The following ITGA8 variants were observed in gnomAD, a reference collection of about 807,000 sequenced individuals.
The protein encoded by ITGA8 is integrin subunit alpha 8, also known as integrin alpha-8.
In ITGA8, 91 loss-of-function variants were observed where a neutral mutation model predicts 142.3. The observed-to-expected ratio is 0.64, with a 90% CI of 0.54 to 0.76. ITGA8 has a LOEUF of 0.76. Among genes scored for constraint, ITGA8 ranks in the 30% least tolerant of loss-of-function variants. The pLI is 0.00. For missense variants in ITGA8, 1,406 were observed against 1,327.7 expected (o/e 1.06, Z -0.92); for synonymous variants, 505 against 485.2 (o/e 1.04, Z -0.54).
At chr10:15,527,263 A>G (rs1486972618) in intron 28 of ITGA8, among the ~76,000 whole-genome samples, 1 of 152,198 alleles carries the variant, frequency 6.6e-6, no homozygotes, top group African/African-American at 2.4e-5. Flanking sequence ...TTCCATATTA[A>G]GGTATTAAGG....
intron 29 of ITGA8, among the ~76,000 whole-genome samples, chr10:15,517,628 A>G (rs1223120705): frequency 6.6e-6 from 1 of 152,172 alleles, no homozygotes; most frequent in Non-Finnish European, 1.5e-5. Context: ...CTGGCCCTTT[A>G]TGTATTTTCG....
At chr10:15,629,370 T>C (rs370961895) in intron 13 of ITGA8, among the ~76,000 whole-genome samples, 1 of 152,162 alleles carries the variant, frequency 6.6e-6, no homozygotes, top group African/African-American at 2.4e-5. Flanking sequence ...AGCATATCTT[T>C]ATAAGTGCAG....
chr10:15,639,954 T>C (rs1833840850), intron 13 of ITGA8, among the ~76,000 whole-genome samples: 1 of 18,638 alleles, frequency 5.4e-5, no homozygotes, highest in Admixed American at 8.5e-4. Context: ...CAGTAATCTG[T>C]GTTGTGCAAA....
In ITGA8 at chr10:15,644,433, AATATATAT is replaced by A. The variant is rs57868499; in HGVS notation, c.1208-220_1208-213del. On this transcript the variant is annotated intron_variant, in intron 12 of 29. Coordinates refer to ENST00000378076, the MANE Select transcript of ITGA8 (RefSeq NM_003638.3). ...CAGGTGCATACCACCATGTCAGGCT[AATATATAT>A]ATATATATATATATATATATATATA... 1.9e-3 allele frequency among the ~76,000 whole-genome samples: 80 copies of A among 42,438 alleles called. 1 individual carries two copies. The highest frequency in any genetic ancestry group is 2.9e-3 in the Non-Finnish European group (70 of 24,358). 27.8% of individuals were successfully genotyped at this position (42,438 alleles called of 152,430 possible). A position where few individuals can be genotyped will look rare whatever the true frequency, so the allele number is the denominator to read the frequency against.
At chr10:15,716,549 C>T (rs568816336) in intron 2 of ITGA8, among the ~76,000 whole-genome samples, 22 of 152,330 alleles carry the variant, frequency 1.4e-4, no homozygotes, top group South Asian at 4.1e-4. Flanking sequence ...GGGTTAAATG[C>T]ATTCCTGTGG....
rs1462757419 is a variant in ITGA8 at position 15,644,213 on chromosome 10, T to A, written c.1216A>T (p.Ile406Phe). 1 of 1,613,402 alleles carries A rather than the reference T, an allele frequency of 6.2e-7. No individual in the cohort carries two copies. Reference sequence around the variant, plus strand: ...TCCTTGCCTGCAAAAGGCACTCCGATGGCAATGTCTAAAAACAGACATAAA... The same window carrying A: ...TCCTTGCCTGCAAAAGGCACTCCGAAGGCAATGTCTAAAAACAGACATAAA... ...LNQDGYNDIA[I>F]GVPFAGKDQR... is the part of the protein sequence containing the mutation. The change falls in exon 13 of 30, where the codon ATC becomes TTC. Residue 406 changes from isoleucine (I) to phenylalanine (F), a missense_variant. Coordinates refer to ENST00000378076, the MANE Select transcript of ITGA8 (RefSeq NM_003638.3).
At chr10:15,554,718 C>CCTTTCTTTCTTTCTTT (rs140932453) in intron 26 of ITGA8, among the ~76,000 whole-genome samples, 4 of 148,946 alleles carry the variant, frequency 2.7e-5, no homozygotes, top group African/African-American at 7.5e-5. Context: ...CTTTGCAAAT[C>CCTTTCTTTCTTTCTTT]CTTTCTTTCT....
intron 13 of ITGA8, among the ~76,000 whole-genome samples, chr10:15,631,653 C>A (rs1040806272): frequency 6.6e-6 from 1 of 150,738 alleles, no homozygotes; most frequent in Non-Finnish European, 1.5e-5. Context: ...CACCATGGCA[C>A]GGGCATGCCT....
intron 4 of ITGA8, among the ~76,000 whole-genome samples, chr10:15,680,772 CA>C (rs1194331582): frequency 6.7e-6 from 1 of 149,972 alleles, no homozygotes; most frequent in Non-Finnish European, 1.5e-5. Flanking sequence ...AGAAAACATT[CA>C]TTTTTTTTTT....
chr10:15,705,502 G>A (rs1663088865), intron 2 of ITGA8, among the ~76,000 whole-genome samples: 1 of 152,122 alleles, frequency 6.6e-6, no homozygotes, highest in African/African-American at 2.4e-5. Flanking sequence ...GGAATCCCCT[G>A]CATTTCCCTC....
rs567428315 is a variant in ITGA8 at position 15,558,179 on chromosome 10, G to T, written c.2661C>A (p.Thr887=). The change falls in exon 26 of 30, where the codon ACC becomes ACA. Residue 887 remains threonine (T), a synonymous_variant. Coordinates refer to ENST00000378076, the MANE Select transcript of ITGA8 (RefSeq NM_003638.3). The stretch of plus-strand genomic sequence containing the variant: ...TTCGCAAAAAGGCGCTGAGCTCAGG[G>T]GTGTCCTCTGGGGAGGCAGCAGGCT... ...DIKPAASPED[T]PELSAFLRNS... 1.2e-6 allele frequency: 2 copies of T among 1,614,178 alleles called. No individual in the cohort carries two copies. The highest frequency in any genetic ancestry group is 1.7e-6 in the Non-Finnish European group (2 of 1,180,036).
intron 13 of ITGA8, among the ~76,000 whole-genome samples, chr10:15,636,891 T>C (rs1210963640): frequency 6.6e-6 from 1 of 152,236 alleles, no homozygotes; most frequent in Non-Finnish European, 1.5e-5. Context: ...ACACCTGTAA[T>C]ACCAGCACTT....
intron 8 of ITGA8, among the ~76,000 whole-genome samples, chr10:15,664,984 A>C (rs1271518871): frequency 6.6e-6 from 1 of 152,148 alleles, no homozygotes; most frequent in African/African-American, 2.4e-5. Context: ...ATAGGTGTGC[A>C]TGTGTCTTTA....
chr10:15,581,920 T>C (rs1834415858), intron 23 of ITGA8, among the ~76,000 whole-genome samples: 1 of 152,160 alleles, frequency 6.6e-6, no homozygotes, highest in African/African-American at 2.4e-5. Context: ...AAATGGTTTT[T>C]TCAACAAATG....
intron 20 of ITGA8, among the ~76,000 whole-genome samples, chr10:15,602,947 A>AT (rs1404957247): frequency 6.7e-6 from 1 of 150,106 alleles, no homozygotes; most frequent in Non-Finnish European, 1.5e-5. Context: ...ATTTAGGACT[A>AT]TTTTTTTAAA....
rs1320104235 is a variant in ITGA8, at chr10:15,682,619, C to T, written c.568+1385G>A. On this transcript the variant is annotated intron_variant, in intron 4 of 29. Coordinates refer to ENST00000378076, the MANE Select transcript of ITGA8 (RefSeq NM_003638.3). ...ACTGTAATCCCAGCACTTTGAAAGG[C>T]TGAGGCGGATGGATCGCATGAGCAC... is the stretch of plus-strand genomic sequence containing the variant. Among the ~76,000 whole-genome samples the T allele has an allele frequency of 5.3e-5, 8 of 152,148 alleles. No homozygotes were observed. The East Asian group carries it at 5.8e-4, about 11-fold the overall frequency.
rs576046565 is a variant in ITGA8 at position 15,718,315 on chromosome 10, G to A, written c.343+451C>T. Among the ~76,000 whole-genome samples the A allele has an allele frequency of 1.4e-4, 22 of 152,278 alleles. 1 individual carries two copies. The East Asian group carries it at 3.3e-3, about 23-fold the overall frequency. ...TCTGTAAAGAATTAAACAGCAACGC[G>A]GAGTGATGTCTGGGTCTGCAGCAGC... On this transcript the variant is annotated intron_variant, in intron 2 of 29. Transcript: ENST00000378076.
intron 23 of ITGA8, among the ~76,000 whole-genome samples, chr10:15,580,128 A>T (rs1037761053): frequency 3.0e-4 from 1 of 3,338 alleles, no homozygotes; most frequent in South Asian, 0.1. Context: ...AGAAAATGTA[A>T]AAAAAAAAAA....
chr10:15,566,868 T>C (rs149726951), intron 25 of ITGA8, among the ~76,000 whole-genome samples: 2,394 of 65,916 alleles, frequency 0.036, 67 homozygotes, highest in African/African-American at 0.12. Context: ...ATCCCAGCAC[T>C]CTGGGAGGCT....
Sources: gnomAD v4.1 joint callset for allele counts (sites outside exome capture counted in the v4.1 genomes callset) on GRCh38, gnomAD v4.1.1 for gene constraint, MANE v1.5 for transcripts, NCBI Gene and HGNC (gene_info 2026-07-23, HGNC 2026-07-21) for gene names.